The following RAD51B variants were observed in gnomAD, a reference collection of about 807,000 sequenced individuals.
RAD51B encodes DNA repair protein RAD51 homolog 2.
RAD51B carries 38 observed loss-of-function variants against 42.2 expected under a neutral mutation model. The ratio of observed to expected loss-of-function variants is 0.90; its 90% CI spans 0.70 to 1.18. The LOEUF is 1.18. Ranked by LOEUF, RAD51B falls within the 50% of genes most tolerant of loss-of-function variation. RAD51B has a pLI of 0.00. For synonymous variants in RAD51B, 154 were observed against 145.2 expected (o/e 1.06, Z -0.43); for missense variants, 373 against 400.7 (o/e 0.93, Z 0.59).
chr14:68,533,369 GT>G (rs1177145146), intron 10 of RAD51B, among the ~76,000 whole-genome samples: 3 of 152,196 alleles, frequency 2.0e-5, no homozygotes, highest in African/African-American at 7.2e-5. Flanking sequence ...TTTGTTTGCT[GT>G]TGAGAATAAT....
intron 11 of RAD51B, among the ~76,000 whole-genome samples, chr14:68,652,556 A>G (rs749469062): frequency 6.6e-6 from 1 of 152,044 alleles, no homozygotes; most frequent in Non-Finnish European, 1.5e-5. Context: ...ACCTTCACTT[A>G]CTCGCTTTGT....
chr14:67,946,576 C>T (rs1476149261), intron 7 of RAD51B, among the ~76,000 whole-genome samples: 2 of 152,212 alleles, frequency 1.3e-5, no homozygotes, highest in African/African-American at 2.4e-5. Context: ...CCATCTTGGC[C>T]AGGCTGGTCT....
At chr14:68,676,302 C>A (rs1345925557) in intron 11 of RAD51B, among the ~76,000 whole-genome samples, 1 of 152,150 alleles carries the variant, frequency 6.6e-6, no homozygotes, top group African/African-American at 2.4e-5. Context: ...GAAGCTAGAA[C>A]CCCACCACAG....
intron 7 of RAD51B, among the ~76,000 whole-genome samples, chr14:68,281,515 C>G (rs924861956): frequency 2.0e-5 from 3 of 152,160 alleles, no homozygotes; most frequent in African/African-American, 7.2e-5. Context: ...GGCAGTGGAG[C>G]TGAGCTGGAA....
chr14:68,582,407 CT>C (rs1890249494), intron 10 of RAD51B, among the ~76,000 whole-genome samples: 1 of 152,344 alleles, frequency 6.6e-6, no homozygotes, highest in East Asian at 1.9e-4. Flanking sequence ...TGGAAAAAAG[CT>C]CATCATCACT....
intron 10 of RAD51B, among the ~76,000 whole-genome samples, chr14:68,560,828 C>T (rs185145489): frequency 4.7e-4 from 72 of 152,232 alleles, no homozygotes; most frequent in Middle Eastern, 3.4e-3. Context: ...TCTCCATCTC[C>T]ACCCTGCTCT....
At chr14:67,993,512 A>G (rs1213654262) in intron 7 of RAD51B, among the ~76,000 whole-genome samples, 1 of 152,158 alleles carries the variant, frequency 6.6e-6, no homozygotes, top group African/African-American at 2.4e-5. Flanking sequence ...TGTTGTCACA[A>G]ATGACAGGAT....
At chr14:67,857,115 A>G (rs1389291442) in intron 4 of RAD51B, among the ~76,000 whole-genome samples, 2 of 152,186 alleles carry the variant, frequency 1.3e-5, no homozygotes, top group African/African-American at 2.4e-5. Context: ...GAAGCTAAAA[A>G]TTATTAATGT....
intron 10 of RAD51B, among the ~76,000 whole-genome samples, chr14:68,573,147 C>T (rs1889794713): frequency 6.6e-6 from 1 of 152,162 alleles, no homozygotes; most frequent in South Asian, 2.1e-4. Context: ...GGATCATGTC[C>T]TCCACTGCTC....
At chr14:67,946,298 C>T (rs1016224643) in intron 7 of RAD51B, among the ~76,000 whole-genome samples, 3 of 152,052 alleles carry the variant, frequency 2.0e-5, no homozygotes, top group Non-Finnish European at 4.4e-5. Context: ...GAATAAATAG[C>T]TAAAGAAATT....
chr14:68,448,240 A>T (rs1352435679), intron 9 of RAD51B, among the ~76,000 whole-genome samples: 1 of 152,186 alleles, frequency 6.6e-6, no homozygotes, highest in Non-Finnish European at 1.5e-5. Flanking sequence ...GACAGAGAAA[A>T]CTCACTTTAA....
intron 4 of RAD51B, among the ~76,000 whole-genome samples, chr14:67,838,645 A>G (rs112520499): frequency 6.6e-6 from 1 of 152,092 alleles, no homozygotes; most frequent in African/African-American, 2.4e-5. Context: ...AGGGCTTGCT[A>G]TGTTGCCCAG....
chr14:68,398,095 C>T (rs545923809), intron 8 of RAD51B, among the ~76,000 whole-genome samples: 2 of 152,356 alleles, frequency 1.3e-5, no homozygotes, highest in East Asian at 3.9e-4. Context: ...AAAGCATTCT[C>T]CACCATGACG....
chr14:68,338,873 C>T (rs2082513103), intron 8 of RAD51B: 21 of 631,480 alleles, frequency 3.3e-5, no homozygotes, highest in South Asian at 2.8e-4. Context: ...TAGCTTCCAC[C>T]AGCTTAGCCA....
chr14:68,194,934 C>G (rs2079339199), intron 7 of RAD51B, among the ~76,000 whole-genome samples: 1 of 152,144 alleles, frequency 6.6e-6, no homozygotes, highest in Admixed American at 6.5e-5. Context: ...CTATAGAACA[C>G]TTTATTTTCT....
At chr14:68,024,161 G>A (rs913105409) in intron 7 of RAD51B, among the ~76,000 whole-genome samples, 3 of 151,956 alleles carry the variant, frequency 2.0e-5, no homozygotes, top group African/African-American at 7.3e-5. Flanking sequence ...TGAATGTGTG[G>A]CTTTATTTCT....
At chr14:68,388,865 G>T (rs1335345470) in intron 8 of RAD51B, among the ~76,000 whole-genome samples, 2 of 152,164 alleles carry the variant, frequency 1.3e-5, no homozygotes, top group Non-Finnish European at 2.9e-5. Flanking sequence ...TGAAAACTTG[G>T]ATTTTCAGAG....
chr14:68,370,898 G>T (rs1273715742), intron 8 of RAD51B, among the ~76,000 whole-genome samples: 4 of 151,476 alleles, frequency 2.6e-5, no homozygotes, highest in Admixed American at 6.6e-5. Flanking sequence ...TTAGCCGGAC[G>T]TGGTGGCACA....
At chr14:68,012,410 A>G (rs1450049085) in intron 7 of RAD51B, among the ~76,000 whole-genome samples, 2 of 151,242 alleles carry the variant, frequency 1.3e-5, no homozygotes, top group African/African-American at 4.9e-5. Flanking sequence ...AAGTGATTGT[A>G]ACAAACATAA....
Sources: allele counts gnomAD v4.1 joint callset (sites outside exome capture counted in the v4.1 genomes callset), GRCh38; gene constraint gnomAD v4.1.1; transcripts MANE v1.5; gene names NCBI Gene and HGNC (gene_info 2026-07-23, HGNC 2026-07-21).